Variants in MYOM1 observed in about 807,000 individuals in gnomAD.
The protein encoded by MYOM1 is myomesin 1.
MYOM1 carries 164 observed loss-of-function variants against 205.3 expected under a neutral mutation model. The ratio of observed to expected loss-of-function variants is 0.80; its 90% CI spans 0.70 to 0.91. The LOEUF is 0.91. MYOM1 is among the 40% of genes least tolerant of loss of function. The pLI, the probability that MYOM1 is intolerant of heterozygous loss-of-function variation, is 0.00. For synonymous variants in MYOM1, 772 were observed against 789.4 expected, an observed-to-expected ratio of 0.98 and a Z score of 0.37; for missense variants, 2,011 against 2,127.3, an observed-to-expected ratio of 0.95 and a Z score of 1.08.
chr18:3,102,419 C>T (rs2079391339), intron 23 of MYOM1, 55 bp downstream of exon 23: 4 of 1,501,924 alleles, frequency 2.7e-6, no homozygotes, highest in African/African-American at 2.8e-5. Context: ...CAGAGCTCAC[C>T]TCATTCTCCT....
chr18:3,085,170 A>G, intron 30 of MYOM1, 38 bp from the exon 31 acceptor site: 1 of 1,363,840 alleles, frequency 7.3e-7, no homozygotes, highest in Non-Finnish European at 1.0e-6. Flanking sequence ...CACCTTTCGT[A>G]GCCCCAGGGC....
At chr18:3,229,765 TTCAAGA>T in the MYOM1 span, among the ~76,000 whole-genome samples, 1 of 151,472 alleles carries the variant, frequency 6.6e-6, no homozygotes, top group Non-Finnish European at 1.5e-5. Context: ...AGGTCGAGAG[TTCAAGA>T]CCAGCCTGAC....
At chr18:3,150,451 C>G (rs1555623638) in intron 12 of MYOM1, among the ~76,000 whole-genome samples, 1 of 119,144 alleles carries the variant, frequency 8.4e-6, no homozygotes, top group Non-Finnish European at 1.9e-5. Flanking sequence ...GACCAGCAGT[C>G]CTCTACAAAG....
At chr18:3,119,803 C>T (rs1195316035) in intron 20 of MYOM1, 66 bp downstream of exon 20, 1 of 1,539,616 alleles carries the variant, frequency 6.5e-7, no homozygotes, top group Non-Finnish European at 8.8e-7. Flanking sequence ...GAATTTCATT[C>T]CAGGTTGTAG....
Position 3,088,782 on chromosome 18 carries a change from ATTG to A in MYOM1, c.4137+389_4137+391del, listed in dbSNP as rs533334886. 1.9e-4 allele frequency among the ~76,000 whole-genome samples: 29 copies of A among 152,170 alleles called. 1 individual carries two copies. The highest frequency in any genetic ancestry group is 4.3e-4 in the Non-Finnish European group (29 of 68,036). Reference sequence around the variant, plus strand: ...GCACAGCTGGGGAATACCCAGGGGTATTGTTGCACCAGCCTCACAATTTACATG... The same window carrying A: ...GCACAGCTGGGGAATACCCAGGGGTATTGCACCAGCCTCACAATTTACATG... On this transcript the variant is annotated intron_variant, in intron 29 of 37. Transcript: ENST00000356443.
chr18:3,117,326 G>A (rs6506067), intron 20 of MYOM1, among the ~76,000 whole-genome samples: 3,038 of 152,222 alleles, frequency 0.02, 95 homozygotes, highest in African/African-American at 0.069. Context: ...AAGAGTATGC[G>A]CAGCCCACAA....
At chr18:3,220,375 C>A (rs1372237844), upstream of MYOM1, among the ~76,000 whole-genome samples, 1 of 152,142 alleles carries the variant, frequency 6.6e-6, no homozygotes, top group Non-Finnish European at 1.5e-5. Context: ...TTGAAGCTAA[C>A]TAAAGGCAAA....
In MYOM1 at chr18:3,127,302, TATA is replaced by T. The variant is rs201816059; in HGVS notation, c.2795-408_2795-406del. Among the ~76,000 whole-genome samples the T allele has an allele frequency of 2.5e-3, 134 of 54,156 alleles. 3 individuals are homozygous for T. Among genetic ancestry groups the T allele is most frequent in the South Asian group, 0.016 (17 of 1,082 alleles). The allele number at this position is 54,156 out of a possible 152,430, so 35.5% of individuals were successfully genotyped here. A position where few individuals can be genotyped will look rare whatever the true frequency, so the allele number is the denominator to read the frequency against. ...ATTTCCATATATATATATATATATA[TATA>T]TTTTTTTTTTTTTTTTTTTTGAGCT... On this transcript the variant is annotated intron_variant, in intron 18 of 37. Coordinates refer to ENST00000356443, the MANE Select transcript of MYOM1 (RefSeq NM_003803.4).
intron 5 of MYOM1, among the ~76,000 whole-genome samples, chr18:3,176,996 C>T (rs2080651045): frequency 6.6e-6 from 1 of 151,908 alleles, no homozygotes; most frequent in African/African-American, 2.4e-5. Flanking sequence ...CCTGTAATCC[C>T]AGCACTTTGG....
chr18:3,129,535 A>C lies in MYOM1; in HGVS notation c.2507-16T>G. ...ACTCCTCCCCCTACAGTTGCCAGAC[A>C]ACAACAGAAACGCATTGAGCCCGGA... is the stretch of plus-strand genomic sequence containing the variant. On this transcript the variant is annotated splice_polypyrimidine_tract_variant and intron_variant, in intron 17 of 37. Coordinates refer to ENST00000356443, the MANE Select transcript of MYOM1 (RefSeq NM_003803.4). 6.3e-7 allele frequency: 1 copy of C among 1,586,174 alleles called. No homozygotes were observed. The highest frequency in any genetic ancestry group is 8.5e-7 in the Non-Finnish European group (1 of 1,169,914).
Position 3,135,474 on chromosome 18 carries a change from G to T in MYOM1, c.2209+73C>A. ...GAAGGATGTCACCATTTTTACTCCT[G>T]GCCAAATATACATATACTAGATCCT... On this transcript the variant is annotated intron_variant, in intron 15 of 37. Coordinates refer to ENST00000356443, the MANE Select transcript of MYOM1 (RefSeq NM_003803.4). The surrounding 1 kb of genome is among the most constrained non-coding windows in gnomAD (Gnocchi z 4.1). 1.5e-6 allele frequency: 2 copies of T among 1,374,110 alleles called. No homozygotes were observed. The highest frequency in any genetic ancestry group is 1.6e-5 in the South Asian group (1 of 63,542). The allele number at this position is 1,374,110 out of a possible 1,614,324, so 85.1% of individuals were successfully genotyped here.
At chr18:3,155,355 G>A (rs1478118600) in intron 10 of MYOM1, among the ~76,000 whole-genome samples, 1 of 152,168 alleles carries the variant, frequency 6.6e-6, no homozygotes, top group East Asian at 1.9e-4. Context: ...CTGAGTAGCT[G>A]GGACTACAGG....
Position 3,090,767 on chromosome 18 carries a change from G to A in MYOM1, c.3900C>T (p.Ile1300=). ...GTAGCTTTTCCATGAACATTTCGAT[G>A]ATGCCAGTGTTTCGGTCAATATGCA... ...YKMHIDRNTG[I]IEMFMEKLQD... Residue 1300 remains isoleucine (I), a synonymous_variant, in exon 27 of 38, where the codon ATC becomes ATT. Transcript: ENST00000356443. 1.2e-6 allele frequency: 2 copies of A among 1,613,934 alleles called. No homozygotes were observed. Among genetic ancestry groups the A allele is most frequent in the Non-Finnish European group, 1.7e-6 (2 of 1,179,876 alleles).
chr18:3,137,185 G>A (rs12456422), intron 14 of MYOM1, among the ~76,000 whole-genome samples: 9,494 of 152,094 alleles, frequency 0.062, 446 homozygotes, highest in Admixed American at 0.17. Context: ...TCCTGACCTC[G>A]TGATCCGCCC....
intron 36 of MYOM1, among the ~76,000 whole-genome samples, chr18:3,072,608 C>A (rs1259384813): frequency 6.6e-6 from 1 of 152,046 alleles, no homozygotes; most frequent in Non-Finnish European, 1.5e-5. Context: ...CCCGCCTCTG[C>A]CTCCCAAATT....
At chr18:3,183,394 ATAGATTTGGT>A (rs1485224538) in intron 5 of MYOM1, among the ~76,000 whole-genome samples, 1 of 152,092 alleles carries the variant, frequency 6.6e-6, no homozygotes, top group East Asian at 1.9e-4. Context: ...TTCCACATGA[ATAGATTTGGT>A]TAGTAATGTG....
At chr18:3,095,309 C>T (rs1440187443) in intron 25 of MYOM1, among the ~76,000 whole-genome samples, 3 of 152,156 alleles carry the variant, frequency 2.0e-5, no homozygotes, top group Non-Finnish European at 4.4e-5. Flanking sequence ...TGGCTCACGC[C>T]TGTAATCCTA....
Position 3,141,927 on chromosome 18 carries a change from C to T in MYOM1, c.2025+12G>A. ...GAGGTAGTATGAGGTCATGTTGATT[C>T]TAGAGTCTTACCTTTTCCACAAAGT... On this transcript the variant is annotated intron_variant, in intron 14 of 37. Coordinates refer to ENST00000356443, the MANE Select transcript of MYOM1 (RefSeq NM_003803.4). The T allele has an allele frequency of 6.2e-7, 1 of 1,613,472 alleles. No individual in the cohort carries two copies. Among genetic ancestry groups the T allele is most frequent in the Non-Finnish European group, 8.5e-7 (1 of 1,179,632 alleles).
At chr18:3,190,339 A>G (rs1437908329) in intron 3 of MYOM1, 1 of 152,334 alleles carries the variant, frequency 6.6e-6, no homozygotes, top group East Asian at 1.9e-4. Flanking sequence ...CATTCTAAGA[A>G]TGATTACTTC....
Sources: allele counts gnomAD v4.1 joint callset (sites outside exome capture counted in the v4.1 genomes callset), GRCh38; gene constraint gnomAD v4.1.1; non-coding constraint Gnocchi (gnomAD v3.1); transcripts MANE v1.5; gene names NCBI Gene and HGNC (gene_info 2026-07-23, HGNC 2026-07-21).